The following PPP2R3C variants were observed in gnomAD, a reference collection of about 807,000 sequenced individuals.
The protein encoded by PPP2R3C is protein phosphatase 2 regulatory subunit B''gamma, also known as serine/threonine-protein phosphatase 2A regulatory subunit B'' subunit gamma.
Under a neutral mutation model 63.7 loss-of-function variants are expected in PPP2R3C, and 47 were observed. The ratio of observed to expected loss-of-function variants is 0.74; its 90% CI spans 0.58 to 0.94. The LOEUF (loss-of-function observed/expected upper bound fraction) is 0.94. PPP2R3C is among the 40% of genes least tolerant of loss of function. The probability of loss-of-function intolerance (pLI) is 0.00; values close to 1 mark genes in which losing one functional copy is unlikely to be tolerated. For synonymous variants in PPP2R3C, 180 were observed against 177.4 expected (o/e 1.01, Z -0.12); for missense variants, 421 against 518.4 (o/e 0.81, Z 1.82).
chr14:35,109,206 G>A (rs1330736098), intron 4 of PPP2R3C, among the ~76,000 whole-genome samples: 11 of 151,638 alleles, frequency 7.3e-5, no homozygotes, highest in African/African-American at 2.7e-4. Context: ...ACAGGCACAC[G>A]CCACCACGCC....
At chr14:35,117,780 C>A (rs1276035756) in intron 1 of PPP2R3C, among the ~76,000 whole-genome samples, 1 of 152,006 alleles carries the variant, frequency 6.6e-6, no homozygotes, top group Non-Finnish European at 1.5e-5. Flanking sequence ...CGGCAACCTC[C>A]GCCTCCCAGG....
At chr14:35,107,830 A>G in intron 5 of PPP2R3C, 1 of 418,622 alleles carries the variant, frequency 2.4e-6, no homozygotes. Flanking sequence ...AGTCAACTCA[A>G]CTTGTAATAT....
intron 2 of PPP2R3C, chr14:35,112,765 C>T (rs894416910): frequency 6.6e-6 from 1 of 152,204 alleles, no homozygotes; most frequent in Non-Finnish European, 1.5e-5. Context: ...AACCTATTCT[C>T]TCTGAAGCCT....
At chr14:35,108,405 T>TTTA (rs57190956) in intron 4 of PPP2R3C, among the ~76,000 whole-genome samples, 169 bp from the exon 5 acceptor site, 1 of 149,734 alleles carries the variant, frequency 6.7e-6, no homozygotes, top group Non-Finnish European at 1.5e-5. Flanking sequence ...TTTTTTTTTT[T>TTTA]AAAAGAAATG....
chr14:35,109,700 C>T (rs939080022), intron 4 of PPP2R3C, 119 bp downstream of exon 4: 15 of 760,706 alleles, frequency 2.0e-5, no homozygotes, highest in Admixed American at 3.0e-5. Flanking sequence ...AAGCAATCCT[C>T]TCACCTCAGC....
intron 2 of PPP2R3C, among the ~76,000 whole-genome samples, chr14:35,111,800 T>C (rs1299104735): frequency 1.3e-5 from 2 of 152,128 alleles, no homozygotes; most frequent in Non-Finnish European, 2.9e-5. Flanking sequence ...TGTTTTTCTA[T>C]ATCCCTGTGA....
intron 6 of PPP2R3C, 129 bp downstream of exon 6, chr14:35,107,171 CACAA>C (rs1365996614): frequency 5.1e-6 from 3 of 583,632 alleles, no homozygotes; most frequent in African/African-American, 1.9e-5. Flanking sequence ...AATATGTACA[CACAA>C]ACACACACAG....
chr14:35,122,101 G>C (rs921652796), upstream of PPP2R3C: 2 of 788,834 alleles, frequency 2.5e-6, no homozygotes, highest in African/African-American at 3.5e-5. Context: ...GGAAGTCTTG[G>C]CTAAAGAGGC....
At chr14:35,099,652 G>A (rs958451079) in intron 6 of PPP2R3C, 2 of 295,190 alleles carry the variant, frequency 6.8e-6, no homozygotes, top group Non-Finnish European at 1.2e-5. Context: ...CTCCCCAAAG[G>A]TTAAGTAACT....
chr14:35,093,868 G>A (rs929361761), intron 10 of PPP2R3C, among the ~76,000 whole-genome samples: 3 of 152,066 alleles, frequency 2.0e-5, no homozygotes, highest in African/African-American at 7.2e-5. Flanking sequence ...AGCCAGGATG[G>A]TCTCCATCTC....
chr14:35,109,483 GT>G (rs2046475322), intron 4 of PPP2R3C, among the ~76,000 whole-genome samples: 2 of 151,542 alleles, frequency 1.3e-5, no homozygotes, highest in African/African-American at 4.9e-5. Flanking sequence ...TTGAGGATTT[GT>G]TTATTTTTTT....
chr14:35,086,243 G>A (rs142697147), intron 12 of PPP2R3C: 1,813 of 154,826 alleles, frequency 0.012, 46 homozygotes, highest in African/African-American at 0.042. Flanking sequence ...TGTCATCCAG[G>A]CTGGAGTGCA....
intron 6 of PPP2R3C, among the ~76,000 whole-genome samples, chr14:35,105,486 G>T (rs574017475): frequency 3.3e-5 from 5 of 151,308 alleles, no homozygotes; most frequent in South Asian, 2.1e-4. Context: ...CAGCCAAAAG[G>T]CCTTTTTTTT....
intron 6 of PPP2R3C, chr14:35,099,599 A>T: frequency 2.0e-6 from 1 of 495,954 alleles, no homozygotes; most frequent in Non-Finnish European, 3.2e-6. Context: ...CCAAATTCAA[A>T]GGGAACAAAG....
chr14:35,117,176 C>T lies in PPP2R3C; in HGVS notation c.59-439G>A, dbSNP rs889150348. 6.6e-6 allele frequency: 3 copies of T among 455,574 alleles called. No homozygotes were observed. In the Admixed American group the frequency reaches 7.1e-5, roughly 11 times the overall value. 28.2% of individuals were successfully genotyped at this position (455,574 alleles called of 1,614,324 possible). On this transcript the variant is annotated intron_variant, in intron 1 of 12. Transcript: ENST00000261475. The stretch of plus-strand genomic sequence containing the variant: ...CAGCCTCATAATCACTGTTTCTCTA[C>T]CTAATGTAGAGAAAACAAACAAAAA...
At chr14:35,104,264 C>T (rs1388859776) in intron 6 of PPP2R3C, among the ~76,000 whole-genome samples, 1 of 151,966 alleles carries the variant, frequency 6.6e-6, no homozygotes, top group East Asian at 1.9e-4. Flanking sequence ...TGGTCTGAAC[C>T]TTAAAGAGAA....
chr14:35,110,321 A>T, intron 3 of PPP2R3C: 1 of 505,330 alleles, frequency 2.0e-6, no homozygotes, highest in South Asian at 2.8e-5. Flanking sequence ...AGGGCCTTAA[A>T]CAAAAATAAC....
At chr14:35,111,497 C>A (rs940687971) in intron 2 of PPP2R3C, among the ~76,000 whole-genome samples, 1 of 152,176 alleles carries the variant, frequency 6.6e-6, no homozygotes, top group African/African-American at 2.4e-5. Flanking sequence ...CAAAACTAAA[C>A]TGCCTTTGTA....
intron 5 of PPP2R3C, 187 bp downstream of exon 5, chr14:35,107,952 A>T: frequency 1.6e-6 from 1 of 616,090 alleles, no homozygotes; most frequent in Non-Finnish European, 2.6e-6. Context: ...AAGACACATG[A>T]GGGTTTAAAA....
Sources: allele counts gnomAD v4.1 joint callset (sites outside exome capture counted in the v4.1 genomes callset), GRCh38; gene constraint gnomAD v4.1.1; transcripts MANE v1.5; gene names NCBI Gene and HGNC (gene_info 2026-07-23, HGNC 2026-07-21).